CCSER1: variants seen among roughly 807,000 people sequenced by gnomAD.
CCSER1 encodes the protein serine-rich coiled-coil domain-containing protein 1.
CCSER1 carries 41 observed loss-of-function variants against 82.0 expected under a neutral mutation model. That is an observed-to-expected ratio of 0.50 (90% CI 0.39 to 0.65). The LOEUF (loss-of-function observed/expected upper bound fraction) is 0.65. Among genes scored for constraint, CCSER1 ranks in the 30% least tolerant of loss-of-function variants. CCSER1 has a pLI of 0.00. For missense variants in CCSER1, 1,119 were observed against 1,064.2 expected (o/e 1.05, Z -0.72); for synonymous variants, 414 against 383.9 (o/e 1.08, Z -0.92).
chr4:91,178,691 T>C (rs1733667947), intron 10 of CCSER1, among the ~76,000 whole-genome samples: 1 of 152,212 alleles, frequency 6.6e-6, no homozygotes, highest in Non-Finnish European at 1.5e-5. Flanking sequence ...ATTTTGAGCC[T>C]ATGTGTGTCT....
At chr4:90,600,542 C>G (rs1560788087) in intron 5 of CCSER1, among the ~76,000 whole-genome samples, 1 of 151,988 alleles carries the variant, frequency 6.6e-6, no homozygotes, top group Non-Finnish European at 1.5e-5. Flanking sequence ...TTAGAACTCT[C>G]TCTATATTTT....
At chr4:91,522,290 T>C (rs1009387722) in intron 10 of CCSER1, among the ~76,000 whole-genome samples, 2 of 152,200 alleles carry the variant, frequency 1.3e-5, no homozygotes, top group African/African-American at 2.4e-5. Context: ...AGCCTTGTAG[T>C]ATAGTTTGAA....
At chr4:90,407,972 A>G (rs1248287706) in intron 4 of CCSER1, among the ~76,000 whole-genome samples, 3 of 152,166 alleles carry the variant, frequency 2.0e-5, no homozygotes, top group Non-Finnish European at 4.4e-5. Flanking sequence ...AACAAACGGC[A>G]CACCAGGAGA....
intron 10 of CCSER1, among the ~76,000 whole-genome samples, chr4:91,397,409 T>G (rs1264575400): frequency 6.6e-6 from 1 of 152,274 alleles, no homozygotes; most frequent in Non-Finnish European, 1.5e-5. Context: ...TTATTCTTCA[T>G]GTATTTTATG....
At chr4:91,155,199 G>A (rs556675670) in intron 10 of CCSER1, among the ~76,000 whole-genome samples, 5 of 151,934 alleles carry the variant, frequency 3.3e-5, no homozygotes, top group South Asian at 4.2e-4. Flanking sequence ...TAATCCCCAC[G>A]TTTCATGGGA....
At position 90,364,458 on chromosome 4, in the gene CCSER1, A is replaced by T. The variant is rs144143247; in HGVS notation, c.1510-35578A>T. ...ATTTTAGAAGTTAGAAGAAAATTGC[A>T]ATTAAAAATATGATATTCAACTTAT... On this transcript the variant is annotated intron_variant, in intron 3 of 10. Coordinates refer to ENST00000509176, the MANE Select transcript of CCSER1 (RefSeq NM_001145065.2). 6.2e-3 allele frequency among the ~76,000 whole-genome samples: 937 copies of T among 152,202 alleles called. 7 individuals carry two copies. Among genetic ancestry groups the T allele is most frequent in the South Asian group, 0.02 (95 of 4,830 alleles).
At chr4:90,990,459 C>T (rs1405265658) in intron 9 of CCSER1, among the ~76,000 whole-genome samples, 3 of 151,954 alleles carry the variant, frequency 2.0e-5, no homozygotes, top group African/African-American at 4.8e-5. Context: ...ACGCTGACAG[C>T]TCTTAATGCT....
chr4:91,494,689 AT>A, intron 10 of CCSER1, among the ~76,000 whole-genome samples: 1 of 151,742 alleles, frequency 6.6e-6, no homozygotes, highest in African/African-American at 2.4e-5. Flanking sequence ...GAGGAGGTTT[AT>A]TTTCTTTTGT....
intron 1 of CCSER1, among the ~76,000 whole-genome samples, chr4:90,178,730 GA>G (rs1733171639): frequency 6.6e-6 from 1 of 152,130 alleles, no homozygotes; most frequent in Non-Finnish European, 1.5e-5. Context: ...GTACATTCTT[GA>G]AAGATAATTG....
chr4:90,379,310 G>A (rs192548277), intron 3 of CCSER1, among the ~76,000 whole-genome samples: 1 of 152,244 alleles, frequency 6.6e-6, no homozygotes, highest in African/African-American at 2.4e-5. Context: ...GGTTTATACG[G>A]GATGTTTTTA....
chr4:91,415,124 A>T (rs879863878), intron 10 of CCSER1, among the ~76,000 whole-genome samples: 1 of 152,168 alleles, frequency 6.6e-6, no homozygotes, highest in Non-Finnish European at 1.5e-5. Context: ...ACAGCATCAG[A>T]ATACACATTC....
chr4:90,878,580 T>C (rs1720722070), intron 8 of CCSER1, among the ~76,000 whole-genome samples: 1 of 152,116 alleles, frequency 6.6e-6, no homozygotes, highest in Admixed American at 6.6e-5. Flanking sequence ...AAATGAGAGC[T>C]CCATGTTGCT....
At chr4:90,411,098 C>T (rs554720711) in intron 4 of CCSER1, among the ~76,000 whole-genome samples, 29 of 152,294 alleles carry the variant, frequency 1.9e-4, no homozygotes, top group East Asian at 1.5e-3. Context: ...ACTGAATAGA[C>T]CAATAATAGG....
Position 90,481,150 on chromosome 4 carries a change from G to A in CCSER1, c.1724+12796G>A, listed in dbSNP as rs932607194. The stretch of plus-strand genomic sequence containing the variant: ...ATTCTCATTGAAGCAATTATGAATG[G>A]GAGTTCACTCATGATTTGGCTCTCT... On this transcript the variant is annotated intron_variant, in intron 5 of 10. Coordinates refer to ENST00000509176, the MANE Select transcript of CCSER1 (RefSeq NM_001145065.2). Among the ~76,000 whole-genome samples the A allele has an allele frequency of 3.3e-5, 5 of 152,198 alleles. No homozygotes were observed. The East Asian group carries it at 9.6e-4, about 29-fold the overall frequency.
chr4:90,365,195 A>G (rs1746065009), intron 3 of CCSER1, among the ~76,000 whole-genome samples: 1 of 151,920 alleles, frequency 6.6e-6, no homozygotes, highest in Non-Finnish European at 1.5e-5. Flanking sequence ...AGATTTTCAC[A>G]GTCTCAGTTG....
At chr4:91,037,105 T>C (rs182099424) in intron 9 of CCSER1, among the ~76,000 whole-genome samples, 1 of 151,940 alleles carries the variant, frequency 6.6e-6, no homozygotes, top group African/African-American at 2.4e-5. Flanking sequence ...AACTAAATAG[T>C]TGGAAAATAA....
In CCSER1 at chr4:91,250,651, C is replaced by T. The variant is rs150235245; in HGVS notation, c.2217+164657C>T. On this transcript the variant is annotated intron_variant, in intron 10 of 10. Transcript: ENST00000509176. ...ATGGCAAACTAGGCATTACTTGCAT[C>T]CTAGATATTTAAATGATGCCTTTTT... Among the ~76,000 whole-genome samples the T allele has an allele frequency of 9.1e-4, 137 of 150,934 alleles. No homozygotes were observed. The South Asian group carries it at 0.015, about 16-fold the overall frequency.
chr4:91,582,929 AT>A (rs1763802169), intron 10 of CCSER1, among the ~76,000 whole-genome samples: 1 of 151,448 alleles, frequency 6.6e-6, no homozygotes, highest in Non-Finnish European at 1.5e-5. Context: ...ATTTTTACTT[AT>A]GAGAAAATTT....
At position 90,722,439 on chromosome 4, in the gene CCSER1, A is replaced by G. The variant is rs574136166; in HGVS notation, c.1933-1475A>G. 2.3e-4 allele frequency among the ~76,000 whole-genome samples: 35 copies of G among 151,982 alleles called. No homozygotes were observed. The South Asian group carries it at 2.5e-3, about 11-fold the overall frequency. On this transcript the variant is annotated intron_variant, in intron 6 of 10. Coordinates refer to ENST00000509176, the MANE Select transcript of CCSER1 (RefSeq NM_001145065.2). ...ACATCCTGAGGTAAATTAGTTAGCA[A>G]TACCAGCCTTGTTTCTCTATTATGT...
Sources: gnomAD v4.1 joint callset for allele counts (sites outside exome capture counted in the v4.1 genomes callset) on GRCh38, gnomAD v4.1.1 for gene constraint, MANE v1.5 for transcripts, NCBI Gene and HGNC (gene_info 2026-07-23, HGNC 2026-07-21) for gene names.